XKR4: variants seen among roughly 807,000 people sequenced by gnomAD.
The protein encoded by XKR4 is XK related 4.
A neutral mutation model predicts 53.9 loss-of-function variants in XKR4; 12 were observed. That is an observed-to-expected ratio of 0.22 (90% CI 0.14 to 0.36). The LOEUF is 0.36. Ranked by LOEUF, XKR4 falls within the 10% of genes least tolerant of loss-of-function variation. The probability of loss-of-function intolerance (pLI) is 1.00; values close to 1 mark genes in which losing one functional copy is unlikely to be tolerated. For synonymous variants in XKR4, 354 were observed against 362.4 expected, an observed-to-expected ratio of 0.98 and a Z score of 0.26; for missense variants, 799 against 859.5, an observed-to-expected ratio of 0.93 and a Z score of 0.88.
chr8:55,248,489 A>T (rs28631541), intron 1 of XKR4, among the ~76,000 whole-genome samples: 3 of 152,040 alleles, frequency 2.0e-5, no homozygotes, highest in African/African-American at 4.8e-5. Context: ...CATGTTTCTC[A>T]GTCAGTGATA....
chr8:55,289,593 G>A (rs1345112631), intron 1 of XKR4, among the ~76,000 whole-genome samples: 2 of 45,640 alleles, frequency 4.4e-5, no homozygotes, highest in Non-Finnish European at 8.6e-5. Flanking sequence ...GAAAGAAAGA[G>A]AAAGAAAGAA....
At chr8:55,273,242 C>T (rs1325975923) in intron 1 of XKR4, among the ~76,000 whole-genome samples, 1 of 151,844 alleles carries the variant, frequency 6.6e-6, no homozygotes, top group African/African-American at 2.4e-5. Flanking sequence ...CGAGTCACTA[C>T]TGAAACCATC....
rs202203637 is a variant in XKR4, at chr8:55,269,369, T to C, written c.807-88309T>C. Among the ~76,000 whole-genome samples the C allele has an allele frequency of 3.9e-5, 6 of 152,338 alleles. No individual in the cohort carries two copies. The East Asian group carries it at 1.2e-3, about 29-fold the overall frequency. ...TGTTGCAAGAAAGAAACAATACTTT[T>C]TTTTTGTATAATTGGTGTAGGATCA... On this transcript the variant is annotated intron_variant, in intron 1 of 2. Coordinates refer to ENST00000327381, the MANE Select transcript of XKR4 (RefSeq NM_052898.2).
intron 1 of XKR4, chr8:55,142,310 C>T (rs897895858): frequency 4.1e-5 from 16 of 387,470 alleles, no homozygotes; most frequent in South Asian, 2.3e-4. Context: ...ACACTGGTCT[C>T]TTCAGAGTAC....
At chr8:55,302,130 T>G (rs1371186252) in intron 1 of XKR4, among the ~76,000 whole-genome samples, 3 of 152,102 alleles carry the variant, frequency 2.0e-5, no homozygotes, top group African/African-American at 7.2e-5. Flanking sequence ...TGGTTTTAGG[T>G]CTAACATTTA....
intron 1 of XKR4, among the ~76,000 whole-genome samples, chr8:55,183,773 C>A (rs902388715): frequency 3.9e-5 from 6 of 152,182 alleles, no homozygotes; most frequent in African/African-American, 1.4e-4. Context: ...TTGTTCAAAT[C>A]ATCTATATCC....
chr8:55,535,383 C>A lies in XKR4; in HGVS notation c.*11156C>A, dbSNP rs1483371783. Reference sequence around the variant, plus strand: ...TAATGCTATCCCTCCCCCCTCCCCCCACCCCACAACACTCCCCGGTGTGTG... The same window carrying A: ...TAATGCTATCCCTCCCCCCTCCCCCAACCCCACAACACTCCCCGGTGTGTG... On this transcript the variant is annotated 3_prime_UTR_variant, in exon 3 of 3. Coordinates refer to ENST00000327381, the MANE Select transcript of XKR4 (RefSeq NM_052898.2). 2.3e-5 allele frequency: 3 copies of A among 130,062 alleles called. No individual in the cohort carries two copies. Among genetic ancestry groups the A allele is most frequent in the African/African-American group, 8.4e-5 (3 of 35,620 alleles). The allele number at this position is 130,062 out of a possible 1,614,324, so 8.1% of individuals were successfully genotyped here.
intron 1 of XKR4, among the ~76,000 whole-genome samples, chr8:55,113,159 T>C (rs1816257131): frequency 6.6e-6 from 1 of 152,130 alleles, no homozygotes; most frequent in South Asian, 2.1e-4. Context: ...TCTACCTACT[T>C]TGAAATAAGG....
intron 2 of XKR4, among the ~76,000 whole-genome samples, chr8:55,484,866 C>A (rs1461115626): frequency 3.3e-5 from 5 of 152,228 alleles, no homozygotes; most frequent in Admixed American, 3.3e-4. Context: ...TGGACTGGAA[C>A]CTACATCACT....
chr8:55,351,741 T>C (rs183680941), intron 1 of XKR4, among the ~76,000 whole-genome samples: 18 of 152,344 alleles, frequency 1.2e-4, no homozygotes, highest in African/African-American at 3.6e-4. Context: ...GCCAGCATCT[T>C]TTCTCACCTG....
At chr8:55,232,015 T>C (rs989805911) in intron 1 of XKR4, among the ~76,000 whole-genome samples, 1 of 152,182 alleles carries the variant, frequency 6.6e-6, no homozygotes, top group Non-Finnish European at 1.5e-5. Context: ...GATATTGACA[T>C]CATATGAAAC....
intron 1 of XKR4, among the ~76,000 whole-genome samples, chr8:55,122,190 A>T (rs2129352091): frequency 6.6e-6 from 1 of 152,328 alleles, no homozygotes; most frequent in Admixed American, 6.5e-5. Flanking sequence ...GGCCTAAATT[A>T]TATAGTCAGA....
chr8:55,253,388 A>G (rs1379963420), intron 1 of XKR4, among the ~76,000 whole-genome samples: 1 of 152,222 alleles, frequency 6.6e-6, no homozygotes, highest in Non-Finnish European at 1.5e-5. Flanking sequence ...CAGGGAAGCC[A>G]CACTTTTTTT....
intron 1 of XKR4, among the ~76,000 whole-genome samples, chr8:55,304,297 T>C (rs1304136453): frequency 6.6e-6 from 1 of 152,190 alleles, no homozygotes; most frequent in East Asian, 1.9e-4. Context: ...TTCCATGTAG[T>C]TGAGCGGTTT....
At chr8:55,498,806 G>A (rs1806395323) in intron 2 of XKR4, among the ~76,000 whole-genome samples, 1 of 152,134 alleles carries the variant, frequency 6.6e-6, no homozygotes, top group South Asian at 2.1e-4. Context: ...GACAGAGAGA[G>A]AGAGAAGCTC....
At chr8:55,289,331 A>C (rs1249093570) in intron 1 of XKR4, among the ~76,000 whole-genome samples, 1 of 151,746 alleles carries the variant, frequency 6.6e-6, no homozygotes, top group Admixed American at 6.6e-5. Flanking sequence ...AGGCTGCCCA[A>C]TGTGGTGAAA....
intron 1 of XKR4, among the ~76,000 whole-genome samples, chr8:55,123,882 C>T (rs561360642): frequency 6.6e-6 from 1 of 152,300 alleles, no homozygotes; most frequent in South Asian, 2.1e-4. Flanking sequence ...TCTGAAACTA[C>T]AATTTACAGT....
At chr8:55,449,728 G>T in intron 2 of XKR4, 1 of 929,338 alleles carries the variant, frequency 1.1e-6, no homozygotes, top group African/African-American at 1.6e-5. Flanking sequence ...TGTCCACACG[G>T]TGGTCGTAGT....
chr8:55,451,882 G>A (rs1199430566), intron 2 of XKR4: 2 of 852,636 alleles, frequency 2.3e-6, no homozygotes, highest in Admixed American at 1.9e-5. Flanking sequence ...CAGTGTGCTG[G>A]GCTCCAGCTC....
Sources: gnomAD v4.1 joint callset for allele counts (sites outside exome capture counted in the v4.1 genomes callset) on GRCh38, gnomAD v4.1.1 for gene constraint, MANE v1.5 for transcripts, NCBI Gene and HGNC (gene_info 2026-07-23, HGNC 2026-07-21) for gene names.